Variants in SPOCK3 observed in about 807,000 individuals in gnomAD.
The protein encoded by SPOCK3 is SPARC (osteonectin), cwcv and kazal like domains proteoglycan 3, also known as testican-3.
A neutral mutation model predicts 56.6 loss-of-function variants in SPOCK3; 30 were observed. The observed-to-expected ratio is 0.53, with a 90% CI of 0.40 to 0.72. SPOCK3 has a LOEUF of 0.72. SPOCK3 is among the 30% of genes least tolerant of loss of function. SPOCK3 has a pLI of 0.00. For missense variants in SPOCK3, 527 were observed against 530.0 expected, an observed-to-expected ratio of 0.99 and a Z score of 0.06; for synonymous variants, 196 against 183.3, an observed-to-expected ratio of 1.07 and a Z score of -0.56.
In SPOCK3 at chr4:166,792,281, C is replaced by T; in HGVS notation, c.598G>A (p.Asp200Asn). The change falls in exon 7 of 11, where the codon GAC (aspartate) becomes AAC (asparagine). Residue 200 changes from aspartate (D) to asparagine (N), a missense_variant. By Grantham distance (23) the Asp-to-Asn change is conservative. Transcript: ENST00000357545. ...TTTGCCACTTCCCTGAACTCCAGGT[C>T]ACTGCATGCTAAAAACAGAGAAACA... is the stretch of plus-strand genomic sequence containing the variant. ...TSRNVKRACS[D>N]LEFREVANRL... The T allele has an allele frequency of 6.2e-7, 1 of 1,613,736 alleles. No homozygotes were observed. Among genetic ancestry groups the T allele is most frequent in the Non-Finnish European group, 8.5e-7 (1 of 1,179,766 alleles).
At chr4:166,934,752 G>A (rs1245365503) in intron 4 of SPOCK3, among the ~76,000 whole-genome samples, 1 of 152,066 alleles carries the variant, frequency 6.6e-6, no homozygotes, top group African/African-American at 2.4e-5. Flanking sequence ...ATTTCTAGAA[G>A]CAAATTTTCA....
chr4:166,984,324 T>G (rs549331169), intron 4 of SPOCK3, among the ~76,000 whole-genome samples: 1 of 152,066 alleles, frequency 6.6e-6, no homozygotes, highest in Non-Finnish European at 1.5e-5. Flanking sequence ...AATTAGGATA[T>G]AAAACATCGA....
intron 2 of SPOCK3, among the ~76,000 whole-genome samples, chr4:167,118,971 TTC>T (rs950559248): frequency 6.6e-6 from 1 of 152,118 alleles, no homozygotes; most frequent in African/African-American, 2.4e-5. Context: ...ACTCTCACTG[TTC>T]TCTCAGTGAC....
chr4:167,219,809 C>T (rs1273643565), intron 2 of SPOCK3, among the ~76,000 whole-genome samples: 1 of 151,998 alleles, frequency 6.6e-6, no homozygotes, highest in Non-Finnish European at 1.5e-5. Context: ...TTTATATTTT[C>T]TTCAGTGTAG....
At chr4:167,059,789 T>C (rs1193210311) in intron 3 of SPOCK3, among the ~76,000 whole-genome samples, 1 of 152,132 alleles carries the variant, frequency 6.6e-6, no homozygotes, top group Admixed American at 6.5e-5. Flanking sequence ...TAAGAAAATG[T>C]GGCACATATA....
chr4:167,182,409 CAAAA>C (rs35047060), intron 2 of SPOCK3, among the ~76,000 whole-genome samples: 201 of 135,466 alleles, frequency 1.5e-3, no homozygotes, highest in African/African-American at 5.1e-3. Flanking sequence ...AAAAGAAAGA[CAAAA>C]AAAAAAAAAA....
intron 3 of SPOCK3, among the ~76,000 whole-genome samples, chr4:167,058,553 A>G (rs1755179997): frequency 6.6e-6 from 1 of 152,190 alleles, no homozygotes. Context: ...AAGAATCAAT[A>G]TCATGAAAAT....
chr4:166,748,078 T>C (rs1310577887), intron 8 of SPOCK3, among the ~76,000 whole-genome samples: 1 of 151,788 alleles, frequency 6.6e-6, no homozygotes, highest in Non-Finnish European at 1.5e-5. Context: ...ATTTATAGAT[T>C]CAATGCCATC....
chr4:167,005,927 A>T (rs992456462), intron 3 of SPOCK3, among the ~76,000 whole-genome samples: 107 of 152,042 alleles, frequency 7.0e-4, no homozygotes, highest in African/African-American at 2.4e-3. Context: ...CAGAATTATA[A>T]TTTTTTTTAC....
rs575176019 is a variant in SPOCK3, at chr4:167,073,595, C to T, written c.190-11058G>A. Among the ~76,000 whole-genome samples the T allele has an allele frequency of 7.2e-5, 11 of 151,742 alleles. No individual in the cohort carries two copies. The South Asian group carries it at 2.1e-3, about 29-fold the overall frequency. ...AACTTTAATTATTTCCCTTTGAGTC[C>T]TTTATTGTGATTAATACCTGTGAAT... On this transcript the variant is annotated intron_variant, in intron 2 of 10. Transcript: ENST00000357545.
chr4:167,227,980 C>T (rs1021392778), intron 2 of SPOCK3, among the ~76,000 whole-genome samples: 8 of 152,080 alleles, frequency 5.3e-5, no homozygotes, highest in Admixed American at 1.3e-4. Flanking sequence ...ACTGTGTCCA[C>T]ACATGTAACA....
intron 2 of SPOCK3, among the ~76,000 whole-genome samples, chr4:167,088,551 G>A (rs1279523541): frequency 7.4e-6 from 1 of 134,814 alleles, no homozygotes; most frequent in Non-Finnish European, 1.5e-5. Context: ...TACAACCACC[G>A]CCTCCCAGGT....
chr4:167,103,029 C>T lies in SPOCK3; in HGVS notation c.190-40492G>A, dbSNP rs1465404056. 4.6e-5 allele frequency among the ~76,000 whole-genome samples: 7 copies of T among 151,612 alleles called. No individual in the cohort carries two copies. In the South Asian group the frequency reaches 8.3e-4, roughly 18 times the overall value. On this transcript the variant is annotated intron_variant, in intron 2 of 10. Coordinates refer to ENST00000357545, the MANE Select transcript of SPOCK3 (RefSeq NM_001040159.2). ...TTACATCTTGAATATAAGCCCACCC[C>T]GTGGTAGGGACATGAGGCCCCCATT...
chr4:167,074,144 C>G (rs1173533848), intron 2 of SPOCK3, among the ~76,000 whole-genome samples: 1 of 151,708 alleles, frequency 6.6e-6, no homozygotes, highest in Non-Finnish European at 1.5e-5. Context: ...TAGCTAACAA[C>G]AGTTCCCCAG....
intron 8 of SPOCK3, among the ~76,000 whole-genome samples, chr4:166,742,766 C>T (rs987573126): frequency 3.3e-5 from 5 of 152,100 alleles, no homozygotes; most frequent in Non-Finnish European, 5.9e-5. Context: ...TAGTCTTTGC[C>T]TATTTTCAAA....
chr4:167,100,256 TCTGA>T (rs1030749413), intron 2 of SPOCK3, among the ~76,000 whole-genome samples: 22 of 152,274 alleles, frequency 1.4e-4, no homozygotes, highest in African/African-American at 5.1e-4. Flanking sequence ...CCTCTCTTTC[TCTGA>T]CTGACTGACC....
intron 6 of SPOCK3, among the ~76,000 whole-genome samples, chr4:166,838,471 T>G (rs1669212672): frequency 6.6e-6 from 1 of 151,972 alleles, no homozygotes; most frequent in African/African-American, 2.4e-5. Context: ...TGCTACTGAG[T>G]CAATCCATTG....
chr4:167,183,164 G>C (rs1580542322), intron 2 of SPOCK3, among the ~76,000 whole-genome samples: 1 of 152,146 alleles, frequency 6.6e-6, no homozygotes, highest in East Asian at 1.9e-4. Context: ...GTAACAAGCA[G>C]AGACTCCCAG....
rs138281937 is a variant in SPOCK3, at chr4:166,804,231, G to C, written c.590-11942C>G. Among the ~76,000 whole-genome samples, 394 of 152,240 alleles carry C rather than the reference G, an allele frequency of 2.6e-3. 3 individuals are homozygous for C. The highest frequency in any genetic ancestry group is 9.1e-3 in the African/African-American group (378 of 41,550). ...TGGGTGAAAGATAAATAACACAAAT[G>C]TATCTTCTTACAGTCCTGGAGGGTA... On this transcript the variant is annotated intron_variant, in intron 6 of 10. Coordinates refer to ENST00000357545, the MANE Select transcript of SPOCK3 (RefSeq NM_001040159.2).
Sources: allele counts gnomAD v4.1 joint callset (sites outside exome capture counted in the v4.1 genomes callset), GRCh38; gene constraint gnomAD v4.1.1; transcripts MANE v1.5; gene names NCBI Gene and HGNC (gene_info 2026-07-23, HGNC 2026-07-21).